The following C4orf51 variants were observed in gnomAD, a reference collection of about 807,000 sequenced individuals.
C4orf51 encodes chromosome 4 open reading frame 51, also known as uncharacterized protein C4orf51.
C4orf51 carries 25 observed loss-of-function variants against 25.2 expected under a neutral mutation model. That is an observed-to-expected ratio of 0.99 (90% CI 0.72 to 1.39). C4orf51 has a LOEUF of 1.39. Among genes scored for constraint, C4orf51 ranks in the 40% most tolerant of loss-of-function variants. The pLI, the probability that C4orf51 is intolerant of heterozygous loss-of-function variation, is 0.00. For synonymous variants in C4orf51, 100 were observed against 84.5 expected, an observed-to-expected ratio of 1.18 and a Z score of -1.01; for missense variants, 252 against 239.6, an observed-to-expected ratio of 1.05 and a Z score of -0.34.
intron 2 of C4orf51, among the ~76,000 whole-genome samples, chr4:145,697,919 AG>A (rs974109297): frequency 6.6e-6 from 1 of 152,160 alleles, no homozygotes; most frequent in Non-Finnish European, 1.5e-5. Flanking sequence ...AATTTTTTTC[AG>A]GAACCTCCCA....
At chr4:145,749,063 GTGTATATA>G (rs1040784342) in intron 1 of C4orf51, among the ~76,000 whole-genome samples, 2 of 140,008 alleles carry the variant, frequency 1.4e-5, no homozygotes, top group South Asian at 2.3e-4. Context: ...GTGTGTGTGT[GTGTATATA>G]TATATATATA....
intron 2 of C4orf51, among the ~76,000 whole-genome samples, chr4:145,706,776 G>C (rs1053074070): frequency 5.3e-5 from 8 of 150,730 alleles, no homozygotes; most frequent in Non-Finnish European, 8.8e-5. Context: ...CAGTAGCTGG[G>C]ACTACAAGGT....
At position 145,746,946 on chromosome 4, in the gene C4orf51, G is replaced by A. The variant is rs1024525704; in HGVS notation, n.168-7261G>A. 2.0e-5 allele frequency among the ~76,000 whole-genome samples: 3 copies of A among 151,710 alleles called. No individual in the cohort carries two copies. The East Asian group carries it at 5.8e-4, about 29-fold the overall frequency. On this transcript the variant is annotated intron_variant and non_coding_transcript_variant, in intron 1 of 1. Transcript: ENST00000508981. Reference sequence around the variant, plus strand: ...TTTCACTTCTTTGATTAATTTCTAGGTATCATTTTATTTGTAGCTATTGTA... The same window carrying A: ...TTTCACTTCTTTGATTAATTTCTAGATATCATTTTATTTGTAGCTATTGTA...
chr4:145,731,800 T>A (rs1280114968), intron 5 of C4orf51, among the ~76,000 whole-genome samples: 1 of 151,978 alleles, frequency 6.6e-6, no homozygotes, highest in Non-Finnish European at 1.5e-5. Flanking sequence ...CAGGCTGGTC[T>A]CGAACTCCTG....
At chr4:145,779,567 G>A in the C4orf51 span, 1 of 1,583,776 alleles carries the variant, frequency 6.3e-7, no homozygotes, top group South Asian at 1.2e-5. Flanking sequence ...TACATTTTCT[G>A]TTAGTCAACA....
At chr4:145,741,448 C>T (rs918157214) in intron 1 of C4orf51, among the ~76,000 whole-genome samples, 3 of 151,954 alleles carry the variant, frequency 2.0e-5, no homozygotes, top group Admixed American at 1.3e-4. Context: ...AGAAACTGGT[C>T]CTGGTGGGCA....
At chr4:145,769,602 C>T (rs1201789136) in intron 1 of C4orf51, among the ~76,000 whole-genome samples, 1 of 152,154 alleles carries the variant, frequency 6.6e-6, no homozygotes, top group Non-Finnish European at 1.5e-5. Flanking sequence ...ATGTGTAATC[C>T]CTAGTCCAAA....
intron 1 of C4orf51, among the ~76,000 whole-genome samples, chr4:145,747,390 GT>G (rs34568681): frequency 4.8e-4 from 70 of 146,064 alleles, no homozygotes; most frequent in Middle Eastern, 7.1e-3. Context: ...GTTTTTTGAG[GT>G]TTTTTTTTTT....
In C4orf51 at chr4:145,707,648, T is replaced by A. The variant is rs142300846; in HGVS notation, c.307+11016T>A. On this transcript the variant is annotated intron_variant, in intron 2 of 5. Coordinates refer to ENST00000438731, the MANE Select transcript of C4orf51 (RefSeq NM_001080531.3). ...AAAATATATTTTTGCCCTAAAGAGG[T>A]GTTGGGTATTTAGACATCACCAGGG... 1.3e-4 allele frequency among the ~76,000 whole-genome samples: 19 copies of A among 151,950 alleles called. No individual in the cohort carries two copies. The East Asian group carries it at 1.4e-3, about 11-fold the overall frequency.
intron 1 of C4orf51, among the ~76,000 whole-genome samples, chr4:145,749,923 C>T (rs12510505): frequency 0.19 from 29,038 of 152,064 alleles, 3,758 homozygotes; most frequent in East Asian, 0.67. Context: ...CATGAGCCAC[C>T]GTGCCCGTCC....
chr4:145,722,737 G>GA (rs1731809463), intron 2 of C4orf51, among the ~76,000 whole-genome samples: 1 of 152,156 alleles, frequency 6.6e-6, no homozygotes, highest in African/African-American at 2.4e-5. Context: ...GTACAGTGGG[G>GA]AGCAAGCAAT....
chr4:145,731,472 A>G (rs1366931095), intron 5 of C4orf51, among the ~76,000 whole-genome samples: 2 of 151,726 alleles, frequency 1.3e-5, no homozygotes, highest in South Asian at 2.1e-4. Context: ...ACACCACACA[A>G]TTAATATGGG....
In C4orf51 at chr4:145,729,528, T is replaced by C. The variant is rs563455947; in HGVS notation, c.427+299T>C. Among the ~76,000 whole-genome samples the C allele has an allele frequency of 5.3e-3, 813 of 152,150 alleles. 4 individuals are homozygous for C. Among genetic ancestry groups the C allele is most frequent in the African/African-American group, 0.015 (616 of 41,526 alleles). ...GTGTTAGCCAGGATGGTCTCGATCTTCCGACCTTGTGATCCTCCCTCCTTG... is the reference window on the plus strand; with the variant it reads ...GTGTTAGCCAGGATGGTCTCGATCTCCCGACCTTGTGATCCTCCCTCCTTG... On this transcript the variant is annotated intron_variant, in intron 4 of 5. Transcript: ENST00000438731.
At chr4:145,734,013 C>T (rs1376140563), downstream of C4orf51, among the ~76,000 whole-genome samples, 3 of 152,156 alleles carry the variant, frequency 2.0e-5, no homozygotes, top group Non-Finnish European at 4.4e-5. Context: ...TTACTATACG[C>T]AGAGGATAGC....
At chr4:145,723,274 T>A (rs911542042) in intron 2 of C4orf51, among the ~76,000 whole-genome samples, 2 of 152,182 alleles carry the variant, frequency 1.3e-5, no homozygotes, top group Non-Finnish European at 2.9e-5. Context: ...TTCTCCTCCT[T>A]TGTGTACATA....
intron 1 of C4orf51, among the ~76,000 whole-genome samples, chr4:145,743,379 G>C (rs946762491): frequency 6.6e-6 from 1 of 152,036 alleles, no homozygotes; most frequent in African/African-American, 2.4e-5. Flanking sequence ...AAGGTGGGAG[G>C]GCAAGAGAAC....
chr4:145,740,139 C>T (rs921335947), intron 1 of C4orf51, among the ~76,000 whole-genome samples: 4 of 147,046 alleles, frequency 2.7e-5, no homozygotes, highest in Non-Finnish European at 5.9e-5. Context: ...TTCTTCTTTT[C>T]TGGAATGTAA....
At chr4:145,767,551 A>G (rs893188745) in intron 1 of C4orf51, among the ~76,000 whole-genome samples, 9 of 152,188 alleles carry the variant, frequency 5.9e-5, no homozygotes, top group Non-Finnish European at 8.8e-5. Context: ...GAAGAAACCT[A>G]TACAAAAAAA....
At chr4:145,723,200 A>G (rs971844323) in intron 2 of C4orf51, among the ~76,000 whole-genome samples, 2 of 152,080 alleles carry the variant, frequency 1.3e-5, no homozygotes, top group African/African-American at 2.4e-5. Flanking sequence ...AAAGACACTT[A>G]TACTGGCCAA....
Sources: gnomAD v4.1 joint callset for allele counts (sites outside exome capture counted in the v4.1 genomes callset) on GRCh38, gnomAD v4.1.1 for gene constraint, MANE v1.5 for transcripts, NCBI Gene and HGNC (gene_info 2026-07-23, HGNC 2026-07-21) for gene names.